Variants in RAN observed in about 807,000 individuals in gnomAD.
The protein encoded by RAN is GTP-binding nuclear protein Ran.
In RAN, 2 loss-of-function variants were observed where a neutral mutation model predicts 26.8. That is an observed-to-expected ratio of 0.07 (90% confidence interval 0.03 to 0.23). The LOEUF (loss-of-function observed/expected upper bound fraction) is 0.23, where lower values mean the gene tolerates loss of function less well. Among genes scored for constraint, RAN ranks in the 10% least tolerant of loss-of-function variants. The probability of loss-of-function intolerance (pLI) is 1.00; values close to 1 mark genes in which losing one functional copy is unlikely to be tolerated. For missense variants in RAN, 56 were observed against 264.8 expected (o/e 0.21, Z 5.47); for synonymous variants, 132 against 95.9 (o/e 1.38, Z -2.20).
chr12:130,872,602 G>T lies in RAN; in HGVS notation c.9G>T (p.Ala3=), dbSNP rs762110596. The change falls in exon 2 of 7, where the codon GCG becomes GCT. Residue 3 remains alanine, a synonymous_variant. Transcript: ENST00000543796. Reference sequence around the variant, plus strand: ...TCCGCAGGAACGCCGCGATGGCTGCGCAGGGAGAGCCCCAGGTCCAGTTCA... The same window carrying T: ...TCCGCAGGAACGCCGCGATGGCTGCTCAGGGAGAGCCCCAGGTCCAGTTCA... MA[A]QGEPQVQFKL... 7.9e-6 allele frequency: 12 copies of T among 1,523,726 alleles called. No individual in the cohort carries two copies. Among genetic ancestry groups the T allele is most frequent in the Non-Finnish European group, 9.7e-6 (11 of 1,139,140 alleles). The allele number at this position is 1,523,726 out of a possible 1,614,324, so 94.4% of individuals were successfully genotyped here. A position where few individuals can be genotyped will look rare whatever the true frequency, so the allele number is the denominator to read the frequency against.
chr12:130,873,226 AT>A, intron 4 of RAN, 98 bp downstream of exon 4: 1 of 1,494,732 alleles, frequency 6.7e-7, no homozygotes, highest in Non-Finnish European at 9.1e-7. Flanking sequence ...AAATAGTGTC[AT>A]TTTTGGGTTA....
chr12:130,872,476 C>A, intron 1 of RAN, 108 bp from the exon 2 acceptor site: 1 of 711,220 alleles, frequency 1.4e-6, no homozygotes, highest in Non-Finnish European at 1.9e-6. Flanking sequence ...GCGCCGCGGG[C>A]GGGAGGCCTT....
rs1327191649 is a variant in RAN at position 130,877,195 on chromosome 12, C to T, written c.*1269C>T. 1 of 151,990 alleles carries T rather than the reference C, an allele frequency of 6.6e-6. No individual in the cohort carries two copies. Among genetic ancestry groups the T allele is most frequent in the East Asian group, 1.9e-4 (1 of 5,204 alleles). The allele number at this position is 151,990 out of a possible 1,614,324, so 9.4% of individuals were successfully genotyped here. A position where few individuals can be genotyped will look rare whatever the true frequency, so the allele number is the denominator to read the frequency against. ...TAGGAATCTTGAGCTATTTTTTTCTCATACGATTACTATAGTCCAGTTTAC... is the reference window on the plus strand; with the variant it reads ...TAGGAATCTTGAGCTATTTTTTTCTTATACGATTACTATAGTCCAGTTTAC... On this transcript the variant is annotated 3_prime_UTR_variant, in exon 7 of 7. Transcript: ENST00000543796.
At chr12:130,873,383 TAA>T in intron 4 of RAN, 1 of 417,776 alleles carries the variant, frequency 2.4e-6, no homozygotes, top group South Asian at 2.4e-5. Flanking sequence ...AAGTCATATT[TAA>T]AACAATAATA....
rs1953267449 is a variant in RAN at position 130,877,373 on chromosome 12, A to G, written c.*1447A>G. ...TAACTGGCAACAGTTGAGTTTCTTA[A>G]GATCTGAATTGCTGTGTATGTTACG... On this transcript the variant is annotated 3_prime_UTR_variant, in exon 7 of 7. Coordinates refer to ENST00000543796, the MANE Select transcript of RAN (RefSeq NM_006325.5). 6.6e-6 allele frequency: 1 copy of G among 152,278 alleles called. No homozygotes were observed. The highest frequency in any genetic ancestry group is 1.5e-5 in the Non-Finnish European group (1 of 68,050). The allele number at this position is 152,278 out of a possible 1,614,324, so 9.4% of individuals were successfully genotyped here.
intron 2 of RAN, 85 bp downstream of exon 2, chr12:130,872,714 A>G: frequency 6.5e-7 from 1 of 1,545,398 alleles, no homozygotes; most frequent in African/African-American, 1.4e-5. Flanking sequence ...CGATGGCTGT[A>G]ATGGGGCCCC....
intron 4 of RAN, chr12:130,873,724 G>A (rs1256620991): frequency 6.3e-6 from 1 of 158,762 alleles, no homozygotes; most frequent in East Asian, 1.9e-4. Context: ...ATCATTCCAT[G>A]CCTTTTGCTT....
At chr12:130,874,758 G>C (rs766546116) in intron 5 of RAN, 25 bp downstream of exon 5, 33 of 1,569,430 alleles carry the variant, frequency 2.1e-5, no homozygotes, top group African/African-American at 2.7e-5. Context: ...AACTTCCTGA[G>C]TTATTTCTCT....
chr12:130,872,612 C>G lies in RAN; in HGVS notation c.19C>G (p.Pro7Ala). 1.3e-6 allele frequency: 2 copies of G among 1,527,962 alleles called. No individual in the cohort carries two copies. The highest frequency in any genetic ancestry group is 1.8e-6 in the Non-Finnish European group (2 of 1,141,256). The allele number at this position is 1,527,962 out of a possible 1,614,324, so 94.7% of individuals were successfully genotyped here. A position where few individuals can be genotyped will look rare whatever the true frequency, so the allele number is the denominator to read the frequency against. ...CGCCGCGATGGCTGCGCAGGGAGAG[C>G]CCCAGGTCCAGTTCAAAGTAGGTAA... MAAQGE[P>A]QVQFKLVLVG... The change falls in exon 2 of 7, where the codon CCC becomes GCC. Residue 7 changes from proline (P) to alanine (A), a missense_variant. By Grantham distance (27) the Pro-to-Ala change is conservative. Around this residue, in one of 2 missense-constraint regions of RAN, gnomAD observed 17 missense variants for 16.1 expected, o/e 1.05. Transcript: ENST00000543796.
At position 130,876,817 on chromosome 12, in the gene RAN, A is replaced by G. The variant is rs1248250096; in HGVS notation, c.*891A>G. ...ATGCTTAGTGTGAAGTTGATACGCA[A>G]GGAAAATGGTCCATGTTTACCCACA... is the stretch of plus-strand genomic sequence containing the variant. On this transcript the variant is annotated 3_prime_UTR_variant, in exon 7 of 7. Transcript: ENST00000543796. 1 of 152,228 alleles carries G rather than the reference A, an allele frequency of 6.6e-6. No individual in the cohort carries two copies. Among genetic ancestry groups the G allele is most frequent in the South Asian group, 2.1e-4 (1 of 4,832 alleles). The allele number at this position is 152,228 out of a possible 1,614,324, so 9.4% of individuals were successfully genotyped here.
At chr12:130,875,174 G>A (rs1275366302) in intron 5 of RAN, among the ~76,000 whole-genome samples, 1 of 151,904 alleles carries the variant, frequency 6.6e-6, no homozygotes, top group Non-Finnish European at 1.5e-5. Context: ...GAATGATAGA[G>A]ATTGGGTTTC....
At position 130,873,903 on chromosome 12, in the gene RAN, G is replaced by A. The variant is rs113400802; in HGVS notation, c.248-643G>A. 1,859 of 186,648 alleles carry A rather than the reference G, an allele frequency of 1.0e-2. 25 individuals are homozygous for A. Among genetic ancestry groups the A allele is most frequent in the African/African-American group, 0.042 (1,759 of 41,942 alleles). The allele number at this position is 186,648 out of a possible 1,614,324, so 11.6% of individuals were successfully genotyped here. ...TAATTTTTTTTTGAGACAGGGTTTC[G>A]CTCTGTTGCCCAACCTGGAGTGCAG... On this transcript the variant is annotated intron_variant, in intron 4 of 6. Transcript: ENST00000543796.
At chr12:130,873,328 G>A in intron 4 of RAN, 200 bp downstream of exon 4, 2 of 595,044 alleles carry the variant, frequency 3.4e-6, no homozygotes, top group Non-Finnish European at 2.9e-6. Context: ...GCTGTGTCAT[G>A]CTAGGCATGC....
At chr12:130,872,784 T>C in intron 2 of RAN, 52 bp from the exon 3 acceptor site, 1 of 1,599,232 alleles carries the variant, frequency 6.3e-7, no homozygotes, top group Non-Finnish European at 8.6e-7. Flanking sequence ...GACTCTGGGA[T>C]CTTGAGAGGT....
At chr12:130,872,803 T>G in intron 2 of RAN, 33 bp from the exon 3 acceptor site, 2 of 1,609,662 alleles carry the variant, frequency 1.2e-6, no homozygotes, top group Non-Finnish European at 1.7e-6. Context: ...GTGAAGTGTT[T>G]AGGGTTTACT....
intron 4 of RAN, 111 bp downstream of exon 4, chr12:130,873,239 A>G (rs964896823): frequency 2.7e-6 from 4 of 1,462,254 alleles, no homozygotes; most frequent in Admixed American, 2.2e-5. Flanking sequence ...TTTGGGTTAA[A>G]AAAAGACAAG....
rs540678970 is a variant in RAN at position 130,876,110 on chromosome 12, A to G, written c.*184A>G. On this transcript the variant is annotated 3_prime_UTR_variant, in exon 7 of 7. Coordinates refer to ENST00000543796, the MANE Select transcript of RAN (RefSeq NM_006325.5). ...ATGTGGCAGTTTAAAAAATAACTTC[A>G]TTGTTTGGACCTGCATATTTAGCTG... 3 of 650,788 alleles carry G rather than the reference A, an allele frequency of 4.6e-6. No homozygotes were observed. The African/African-American group carries it at 5.5e-5, about 12-fold the overall frequency. 40.3% of individuals were successfully genotyped at this position (650,788 alleles called of 1,614,324 possible).
At chr12:130,875,122 G>A (rs755660370) in intron 5 of RAN, among the ~76,000 whole-genome samples, 3 of 150,524 alleles carry the variant, frequency 2.0e-5, no homozygotes, top group East Asian at 4.0e-4. Context: ...CACTGTGCCC[G>A]GCCGGAAATA....
At chr12:130,875,587 G>A (rs374894369) in intron 5 of RAN, 25 bp from the exon 6 acceptor site, 9 of 1,526,116 alleles carry the variant, frequency 5.9e-6, no homozygotes, top group Non-Finnish European at 7.9e-6. Context: ...ATTTTAAAAA[G>A]TAATTTTACC....
Sources: gnomAD v4.1 joint callset for allele counts (sites outside exome capture counted in the v4.1 genomes callset) on GRCh38, gnomAD v4.1.1 for gene constraint, gnomAD v4.1.1 regional missense constraint, MANE v1.5 for transcripts, NCBI Gene and HGNC (gene_info 2026-07-23, HGNC 2026-07-21) for gene names.